SUGP2: variants seen among roughly 807,000 people sequenced by gnomAD.
SUGP2 encodes SURP and G-patch domain containing 2.
A neutral mutation model predicts 90.5 loss-of-function variants in SUGP2; 24 were observed. That is an observed-to-expected ratio of 0.27 (90% CI 0.19 to 0.37). The LOEUF (loss-of-function observed/expected upper bound fraction) is 0.37, where lower values mean the gene tolerates loss of function less well. Ranked by LOEUF, SUGP2 falls within the 10% of genes least tolerant of loss-of-function variation. SUGP2 has a pLI of 1.00. For synonymous variants in SUGP2, 473 were observed against 513.4 expected, an observed-to-expected ratio of 0.92 and a Z score of 1.06; for missense variants, 1,233 against 1,363.3, an observed-to-expected ratio of 0.90 and a Z score of 1.51.
Position 19,024,649 on chromosome 19 carries a change from G to C in SUGP2, c.1699C>G (p.Gln567Glu). Reference protein sequence around the residue: ...KMIPPTKPEIQAKAPSSLSDA... With the variant: ...KMIPPTKPEIEAKAPSSLSDA... ...CTCAGACTACTTGGAGCCTTGGCCT[G>C]AATTTCAGGTTTCGTAGGAGGAATC... The change falls in exon 3 of 11, where the codon CAG (glutamine) becomes GAG (glutamate). Residue 567 changes from glutamine to glutamate, a missense_variant. This residue lies in a region of SUGP2 where 540 missense variants were observed against 542.6 expected (regional missense o/e 1.00). Transcript: ENST00000452918. The C allele has an allele frequency of 6.2e-7, 1 of 1,614,136 alleles. No individual in the cohort carries two copies. The highest frequency in any genetic ancestry group is 8.5e-7 in the Non-Finnish European group (1 of 1,180,008).
At chr19:18,994,192 T>C (rs934872532) in intron 10 of SUGP2, 174 bp downstream of exon 10, 10 of 850,670 alleles carry the variant, frequency 1.2e-5, no homozygotes, top group Admixed American at 9.8e-5. Flanking sequence ...AAGGTAAGAA[T>C]GGGGCATATC....
At chr19:19,011,414 C>G (rs2058307968) in intron 4 of SUGP2, among the ~76,000 whole-genome samples, 1 of 151,986 alleles carries the variant, frequency 6.6e-6, no homozygotes, top group Non-Finnish European at 1.5e-5. Flanking sequence ...TCTCAAAGTG[C>G]TGGGATTACA....
In SUGP2 at chr19:19,010,320, G is replaced by C. The variant is rs1234685234; in HGVS notation, c.1873C>G (p.Leu625Val). 2 of 1,611,920 alleles carry C rather than the reference G, an allele frequency of 1.2e-6. No homozygotes were observed. Among genetic ancestry groups the C allele is most frequent in the South Asian group, 1.1e-5 (1 of 91,084 alleles). The change falls in exon 5 of 11, where the codon CTG becomes GTG. Residue 625 changes from leucine to valine, a missense_variant. This residue lies in a region of SUGP2 where 540 missense variants were observed against 542.6 expected (regional missense o/e 1.00). Transcript: ENST00000452918. ...AYWFLSDENS[L>V]EYKYYKLKLA... The stretch of plus-strand genomic sequence containing the variant: ...TTCAGCTTGTAATATTTATACTCCA[G>C]ACTATTTTCATCAGACAAAAACCTA...
chr19:19,022,635 T>G (rs1170466922), intron 3 of SUGP2, among the ~76,000 whole-genome samples: 1 of 152,110 alleles, frequency 6.6e-6, no homozygotes, highest in African/African-American at 2.4e-5. Context: ...TGTGGGAGGG[T>G]AAGTGGGTGG....
chr19:19,010,793 C>G (rs888694400), intron 4 of SUGP2, among the ~76,000 whole-genome samples: 1 of 152,148 alleles, frequency 6.6e-6, no homozygotes, highest in Non-Finnish European at 1.5e-5. Flanking sequence ...AATCTTATGA[C>G]CCAGTCATCA....
chr19:19,024,195 C>T (rs1301470764), intron 3 of SUGP2, among the ~76,000 whole-genome samples: 2 of 152,136 alleles, frequency 1.3e-5, no homozygotes, highest in African/African-American at 4.8e-5. Context: ...CTGAAACCTC[C>T]GCCTCCCAGG....
At position 18,991,451 on chromosome 19, in the gene SUGP2, C is replaced by A. The variant is rs1390204165; in HGVS notation, c.*2290G>T. 1 of 152,236 alleles carries A rather than the reference C, an allele frequency of 6.6e-6. No individual in the cohort carries two copies. Among genetic ancestry groups the A allele is most frequent in the Non-Finnish European group, 1.5e-5 (1 of 68,076 alleles). 9.4% of individuals were successfully genotyped at this position (152,236 alleles called of 1,614,324 possible). A position where few individuals can be genotyped will look rare whatever the true frequency, so the allele number is the denominator to read the frequency against. On this transcript the variant is annotated 3_prime_UTR_variant, in exon 11 of 11. Transcript: ENST00000452918. The stretch of plus-strand genomic sequence containing the variant: ...GGTTCAAGGAGATGTGCCCTTTGAC[C>A]CCTGCCAAGGACTCACAGAACCATC...
intron 4 of SUGP2, among the ~76,000 whole-genome samples, chr19:19,011,396 C>T (rs1420845477): frequency 6.6e-6 from 1 of 151,952 alleles, no homozygotes; most frequent in Non-Finnish European, 1.5e-5. Context: ...TAGCCATACG[C>T]CTCAGCCTCT....
intron 8 of SUGP2, among the ~76,000 whole-genome samples, chr19:18,998,657 G>A (rs1344830184): frequency 6.6e-6 from 1 of 152,136 alleles, no homozygotes; most frequent in Admixed American, 6.6e-5. Flanking sequence ...TATCTTGTGT[G>A]TGTGCGTGAG....
Position 18,992,095 on chromosome 19 carries a change from G to A in SUGP2, c.*1646C>T, listed in dbSNP as rs2057386109. On this transcript the variant is annotated 3_prime_UTR_variant, in exon 11 of 11. Coordinates refer to ENST00000452918, the MANE Select transcript of SUGP2 (RefSeq NM_001017392.5). Reference sequence around the variant, plus strand: ...GAGACAGAGTCTCGCTCTGTTGCCAGGCTGGAGTGCGGTGGCACAATCTCG... The same window carrying A: ...GAGACAGAGTCTCGCTCTGTTGCCAAGCTGGAGTGCGGTGGCACAATCTCG... 6.6e-6 allele frequency: 1 copy of A among 152,210 alleles called. No homozygotes were observed. Among genetic ancestry groups the A allele is most frequent in the African/African-American group, 2.4e-5 (1 of 41,388 alleles). 9.4% of individuals were successfully genotyped at this position (152,210 alleles called of 1,614,324 possible).
intron 3 of SUGP2, among the ~76,000 whole-genome samples, chr19:19,020,165 C>T (rs1177145441): frequency 6.6e-6 from 1 of 151,890 alleles, no homozygotes; most frequent in African/African-American, 2.4e-5. Flanking sequence ...CACAGTGGCT[C>T]ACGCCTGTAA....
In SUGP2 at chr19:19,030,143, T is replaced by G. The variant is rs563166038; in HGVS notation, c.121+808A>C. On this transcript the variant is annotated intron_variant, in intron 2 of 10. Transcript: ENST00000452918. ...AGCCTGAAAACATAGCAAGACTCCA[T>G]ATCTATTAAAAAAAACAAAAAACAA... 2.7e-5 allele frequency among the ~76,000 whole-genome samples: 4 copies of G among 149,878 alleles called. No homozygotes were observed. The East Asian group carries it at 7.9e-4, about 30-fold the overall frequency.
At chr19:19,012,869 T>A (rs1400585986) in intron 4 of SUGP2, among the ~76,000 whole-genome samples, 4 of 146,584 alleles carry the variant, frequency 2.7e-5, no homozygotes, top group African/African-American at 5.0e-5. Context: ...ACTTAAATGA[T>A]TTTTTTTTTT....
chr19:19,021,687 A>G (rs1157044111), intron 3 of SUGP2, among the ~76,000 whole-genome samples: 1 of 147,570 alleles, frequency 6.8e-6, no homozygotes, highest in African/African-American at 2.6e-5. Context: ...TTTTTTTTCT[A>G]GATGGACTTT....
intron 6 of SUGP2, among the ~76,000 whole-genome samples, chr19:19,005,112 G>A (rs2058011653): frequency 6.6e-6 from 1 of 152,192 alleles, no homozygotes; most frequent in African/African-American, 2.4e-5. Flanking sequence ...GCCCCCCGAG[G>A]AGGCTCCTCA....
chr19:18,992,254 G>A lies in SUGP2; in HGVS notation c.*1487C>T, dbSNP rs1328143333. 2 of 150,780 alleles carry A rather than the reference G, an allele frequency of 1.3e-5. No individual in the cohort carries two copies. Among genetic ancestry groups the A allele is most frequent in the Admixed American group, 6.6e-5 (1 of 15,050 alleles). The allele number at this position is 150,780 out of a possible 1,614,324, so 9.3% of individuals were successfully genotyped here. A position where few individuals can be genotyped will look rare whatever the true frequency, so the allele number is the denominator to read the frequency against. On this transcript the variant is annotated 3_prime_UTR_variant, in exon 11 of 11. Coordinates refer to ENST00000452918, the MANE Select transcript of SUGP2 (RefSeq NM_001017392.5). Reference sequence around the variant, plus strand: ...TTTAGTAGAGACAGGGTTTCACCATGTTGGCCAGGATGGTCTCGATCTCTT... The same window carrying A: ...TTTAGTAGAGACAGGGTTTCACCATATTGGCCAGGATGGTCTCGATCTCTT...
intron 7 of SUGP2, among the ~76,000 whole-genome samples, chr19:19,003,766 T>G (rs2057943836): frequency 6.6e-6 from 1 of 152,206 alleles, no homozygotes; most frequent in Non-Finnish European, 1.5e-5. Flanking sequence ...GGACCACCCC[T>G]GCTCTGTTCC....
intron 8 of SUGP2, among the ~76,000 whole-genome samples, chr19:19,001,173 G>A (rs2057817469): frequency 6.6e-6 from 1 of 152,010 alleles, no homozygotes; most frequent in Non-Finnish European, 1.5e-5. Context: ...CTGCCACCAT[G>A]CCCGGCTAAT....
Position 19,010,066 on chromosome 19 carries a change from C to T in SUGP2, c.2127G>A (p.Arg709=), listed in dbSNP as rs758183942. The change falls in exon 5 of 11, where the codon AGG becomes AGA. Residue 709 remains arginine (R), a synonymous_variant. Transcript: ENST00000452918. ...GTQTLLSSGT[R]LKHHGRQAPG... ...GAGCCTGCCGGCCGTGGTGTTTCAGCCTGGTGCCTGAGGATAGGAGGGTCT... is the reference window on the plus strand; with the variant it reads ...GAGCCTGCCGGCCGTGGTGTTTCAGTCTGGTGCCTGAGGATAGGAGGGTCT... 5.1e-5 allele frequency: 83 copies of T among 1,613,826 alleles called. No individual in the cohort carries two copies. Among genetic ancestry groups the T allele is most frequent in the Non-Finnish European group, 6.7e-5 (79 of 1,179,978 alleles).
Sources: gnomAD v4.1 joint callset for allele counts (sites outside exome capture counted in the v4.1 genomes callset) on GRCh38, gnomAD v4.1.1 for gene constraint, gnomAD v4.1.1 regional missense constraint, MANE v1.5 for transcripts, NCBI Gene and HGNC (gene_info 2026-07-23, HGNC 2026-07-21) for gene names.